COL22A1: variants seen among roughly 807,000 people sequenced by gnomAD.
COL22A1 encodes the protein collagen alpha-1(XXII) chain.
In COL22A1, 221 loss-of-function variants were observed where a neutral mutation model predicts 248.9. The ratio of observed to expected loss-of-function variants is 0.89; its 90% CI spans 0.80 to 0.99. The LOEUF (loss-of-function observed/expected upper bound fraction) is 0.99, where lower values mean the gene tolerates loss of function less well. Ranked by LOEUF, COL22A1 falls within the 50% of genes least tolerant of loss-of-function variation. COL22A1 has a pLI of 0.00. For synonymous variants in COL22A1, 891 were observed against 793.4 expected (o/e 1.12, Z -2.07); for missense variants, 2,240 against 2,179.0 (o/e 1.03, Z -0.56).
intron 47 of COL22A1, among the ~76,000 whole-genome samples, chr8:138,644,895 C>T (rs76367294): frequency 0.017 from 2,599 of 152,214 alleles, 67 homozygotes; most frequent in African/African-American, 0.058. Context: ...GTGGGACGGA[C>T]GGCCCGCAAG....
At chr8:138,747,140 T>G (rs1406938884) in intron 22 of COL22A1, among the ~76,000 whole-genome samples, 1 of 152,224 alleles carries the variant, frequency 6.6e-6, no homozygotes, top group African/African-American at 2.4e-5. Flanking sequence ...GACAACATAC[T>G]GAAATATTTA....
chr8:138,677,170 G>A (rs1056584736), intron 40 of COL22A1, among the ~76,000 whole-genome samples: 1 of 152,218 alleles, frequency 6.6e-6, no homozygotes, highest in Admixed American at 6.5e-5. Context: ...CAGTGTGGAC[G>A]TGGGTGTCAG....
intron 3 of COL22A1, 85 bp downstream of exon 3, chr8:138,877,665 C>A (rs957702878): frequency 5.9e-6 from 8 of 1,346,268 alleles, no homozygotes; most frequent in Non-Finnish European, 8.0e-6. Context: ...GCCGTAGGAT[C>A]CCTATCTGCC....
intron 35 of COL22A1, 23 bp from the exon 36 acceptor site, chr8:138,690,897 A>G: frequency 6.3e-7 from 1 of 1,598,994 alleles, no homozygotes; most frequent in Non-Finnish European, 8.5e-7. Context: ...AGAAGTTTAG[A>G]AAGGCCAAAC....
intron 16 of COL22A1, among the ~76,000 whole-genome samples, chr8:138,771,640 C>CACTG (rs35276353): frequency 0.036 from 5,452 of 152,310 alleles, 316 homozygotes; most frequent in African/African-American, 0.12. Context: ...AAGAACAAAA[C>CACTG]AGTGCATACA....
At chr8:138,770,579 G>A (rs539191334) in intron 16 of COL22A1, among the ~76,000 whole-genome samples, 2 of 152,354 alleles carry the variant, frequency 1.3e-5, no homozygotes, top group South Asian at 2.1e-4. Flanking sequence ...CCCACCCCAT[G>A]TTGGGCAAGG....
intron 25 of COL22A1, 138 bp downstream of exon 25, chr8:138,724,477 C>T (rs560001672): frequency 1.2e-5 from 9 of 774,052 alleles, no homozygotes; most frequent in African/African-American, 6.9e-5. Flanking sequence ...AGCTGAGCTC[C>T]GGGGCTGCAG....
intron 10 of COL22A1, among the ~76,000 whole-genome samples, chr8:138,804,700 G>A (rs143625990): frequency 1.3e-5 from 2 of 152,222 alleles, no homozygotes; most frequent in Non-Finnish European, 2.9e-5. Flanking sequence ...GGCAGCGGGT[G>A]TGTGTGAGAG....
chr8:138,866,245 C>T (rs1266890208), intron 3 of COL22A1, among the ~76,000 whole-genome samples: 1 of 152,192 alleles, frequency 6.6e-6, no homozygotes, highest in East Asian at 1.9e-4. Flanking sequence ...CCCAAGACAT[C>T]GCATAACCCC....
intron 22 of COL22A1, among the ~76,000 whole-genome samples, chr8:138,742,828 G>A (rs529859825): frequency 3.4e-5 from 5 of 148,404 alleles, no homozygotes; most frequent in African/African-American, 1.3e-4. Flanking sequence ...AGTTGATGAT[G>A]ATGGTAGTAG....
intron 33 of COL22A1, 95 bp downstream of exon 33, chr8:138,694,731 T>C: frequency 1.4e-6 from 2 of 1,467,838 alleles, no homozygotes; most frequent in Non-Finnish European, 1.9e-6. Flanking sequence ...CTCCTGGGTG[T>C]GGAATGCACG....
chr8:138,833,879 G>A (rs1174514105), intron 4 of COL22A1, among the ~76,000 whole-genome samples: 1 of 152,178 alleles, frequency 6.6e-6, no homozygotes, highest in Non-Finnish European at 1.5e-5. Context: ...TGACCCACAG[G>A]AGTCTTGGGT....
intron 3 of COL22A1, among the ~76,000 whole-genome samples, chr8:138,861,859 G>A (rs981115654): frequency 1.3e-5 from 2 of 152,138 alleles, no homozygotes; most frequent in African/African-American, 4.8e-5. Flanking sequence ...GTTAAGATGT[G>A]TTCAGCTATC....
intron 47 of COL22A1, among the ~76,000 whole-genome samples, chr8:138,646,166 C>T (rs541745967): frequency 6.6e-6 from 1 of 152,348 alleles, no homozygotes; most frequent in East Asian, 1.9e-4. Flanking sequence ...TGCTTTTAGA[C>T]AGATGCCTTA....
chr8:138,829,654 G>A (rs1819878264), intron 5 of COL22A1, among the ~76,000 whole-genome samples: 2 of 152,072 alleles, frequency 1.3e-5, no homozygotes, highest in Middle Eastern at 3.4e-3. Context: ...TGGCCAGGCT[G>A]GTCTCGAACC....
At chr8:138,638,526 A>G (rs1587732741) in intron 47 of COL22A1, among the ~76,000 whole-genome samples, 3 of 152,254 alleles carry the variant, frequency 2.0e-5, no homozygotes, top group Non-Finnish European at 2.9e-5. Context: ...TCAGCAGACC[A>G]CTGATGACAG....
chr8:138,593,778 C>A (rs1473028814), intron 63 of COL22A1, among the ~76,000 whole-genome samples: 3 of 152,138 alleles, frequency 2.0e-5, no homozygotes, highest in Admixed American at 6.5e-5. Context: ...GGAGAGAGAA[C>A]AAGAAAGTAG....
chr8:138,734,573 G>C (rs1376477182), intron 23 of COL22A1, among the ~76,000 whole-genome samples: 2 of 152,186 alleles, frequency 1.3e-5, no homozygotes, highest in Non-Finnish European at 2.9e-5. Flanking sequence ...TTACACTGTT[G>C]GTGGGAGTGT....
At chr8:138,811,190 A>G (rs1389087932) in intron 9 of COL22A1, among the ~76,000 whole-genome samples, 2 of 148,220 alleles carry the variant, frequency 1.3e-5, no homozygotes, top group African/African-American at 5.0e-5. Flanking sequence ...AGTCCATTCT[A>G]GGACGGTCGT....
Sources: gnomAD v4.1 joint callset for allele counts (sites outside exome capture counted in the v4.1 genomes callset) on GRCh38, gnomAD v4.1.1 for gene constraint, MANE v1.5 for transcripts, NCBI Gene and HGNC (gene_info 2026-07-23, HGNC 2026-07-21) for gene names.